TYK2: variants seen among roughly 807,000 people sequenced by gnomAD.
TYK2 encodes the protein tyrosine kinase 2, also known as non-receptor tyrosine-protein kinase TYK2.
TYK2 carries 65 observed loss-of-function variants against 130.9 expected under a neutral mutation model. The ratio of observed to expected loss-of-function variants is 0.50; its 90% CI spans 0.41 to 0.61. The LOEUF is 0.61. TYK2 is among the 20% of genes least tolerant of loss of function. The probability of loss-of-function intolerance (pLI) is 0.00; values close to 1 mark genes in which losing one functional copy is unlikely to be tolerated. For missense variants in TYK2, 1,378 were observed against 1,610.7 expected, an observed-to-expected ratio of 0.86 and a Z score of 2.47; for synonymous variants, 647 against 658.9, an observed-to-expected ratio of 0.98 and a Z score of 0.28.
At position 10,353,329 on chromosome 19, in the gene TYK2, G is replaced by T; in HGVS notation, c.3027+199C>A. 1.7e-6 allele frequency: 1 copy of T among 577,630 alleles called. No individual in the cohort carries two copies. Among genetic ancestry groups the T allele is most frequent in the Non-Finnish European group, 3.0e-6 (1 of 334,560 alleles). The allele number at this position is 577,630 out of a possible 1,614,324, so 35.8% of individuals were successfully genotyped here. A position where few individuals can be genotyped will look rare whatever the true frequency, so the allele number is the denominator to read the frequency against. On this transcript the variant is annotated intron_variant, in intron 21 of 24. Transcript: ENST00000525621. The surrounding 1 kb of genome is among the most constrained non-coding windows in gnomAD (Gnocchi z 6.9). ...GCAGGAGGGCGAGTTGGGAGGGGCCGAGCCGGCTGTGCGTGGTCCCTTGGG... is the reference window on the plus strand; with the variant it reads ...GCAGGAGGGCGAGTTGGGAGGGGCCTAGCCGGCTGTGCGTGGTCCCTTGGG...
chr19:10,376,994 T>C (rs1285862038), intron 3 of TYK2, among the ~76,000 whole-genome samples: 2 of 152,066 alleles, frequency 1.3e-5, no homozygotes, highest in African/African-American at 4.8e-5. Context: ...CTTGAACTCC[T>C]GGGCTCAAGC....
intron 3 of TYK2, among the ~76,000 whole-genome samples, chr19:10,369,107 C>A (rs2041805353): frequency 6.6e-6 from 1 of 152,142 alleles, no homozygotes; most frequent in Admixed American, 6.6e-5. Context: ...CTGTGCTCGG[C>A]CGATTTTAGG....
chr19:10,353,514 CG>C lies in TYK2; in HGVS notation c.3027+13del. On this transcript the variant is annotated intron_variant, in intron 21 of 24. Coordinates refer to ENST00000525621, the MANE Select transcript of TYK2 (RefSeq NM_003331.5). This position sits in a 1 kb window ranked among gnomAD's most constrained non-coding sequence, Gnocchi z 6.9. ...AAGGGGCAAGCTCCAGAAGCAGGGG[CG>C]GGGCCGACCAACCTCGCAGATCTGC... is the stretch of plus-strand genomic sequence containing the variant. 1.3e-6 allele frequency: 2 copies of C among 1,487,658 alleles called. No individual in the cohort carries two copies. Among genetic ancestry groups the C allele is most frequent in the Non-Finnish European group, 1.8e-6 (2 of 1,112,978 alleles). 92.2% of individuals were successfully genotyped at this position (1,487,658 alleles called of 1,614,324 possible).
At chr19:10,372,856 G>C (rs140646497) in intron 3 of TYK2, among the ~76,000 whole-genome samples, 2 of 151,960 alleles carry the variant, frequency 1.3e-5, no homozygotes, top group East Asian at 3.9e-4. Context: ...TCTGTGAAGG[G>C]AGGATACCTC....
chr19:10,378,581 G>A (rs1393751028), intron 2 of TYK2, 155 bp from the exon 3 acceptor site: 18 of 636,000 alleles, frequency 2.8e-5, no homozygotes, highest in East Asian at 8.3e-5. Flanking sequence ...TCTGAGTCTC[G>A]TTTTCCACAT....
In TYK2 at chr19:10,361,628, C is replaced by T; in HGVS notation, c.1960-30G>A. 6.5e-7 allele frequency: 1 copy of T among 1,550,112 alleles called. No individual in the cohort carries two copies. The highest frequency in any genetic ancestry group is 8.7e-7 in the Non-Finnish European group (1 of 1,149,694). The stretch of plus-strand genomic sequence containing the variant: ...GGGGACCGGGCAGGTCAGGTGGCTG[C>T]AAAGCCGACCCCTCCCATCCCACCT... On this transcript the variant is annotated intron_variant, in intron 13 of 24. Transcript: ENST00000525621. The surrounding 1 kb of genome is among the most constrained non-coding windows in gnomAD (Gnocchi z 4.0).
In TYK2 at chr19:10,362,447, C is replaced by T. The variant is rs202072909; in HGVS notation, c.1486G>A (p.Gly496Ser). ...TVAQRSQAPD[G>S]MQSLRLRKFP... ...TTTCGGAGCCGCAAGCTCTGCATGC[C>T]GTCTGGTGCCTGGCAGGAGGTGGCA... The change falls in exon 11 of 25, where the codon GGC becomes AGC. Residue 496 changes from glycine (G) to serine (S), a missense_variant. Transcript: ENST00000525621. The T allele has an allele frequency of 3.0e-4, 487 of 1,601,224 alleles. 1 individual carries two copies. Among genetic ancestry groups the T allele is most frequent in the Non-Finnish European group, 3.9e-4 (459 of 1,172,804 alleles).
intron 3 of TYK2, among the ~76,000 whole-genome samples, chr19:10,374,049 G>T (rs1316130252): frequency 6.6e-6 from 1 of 151,556 alleles, no homozygotes; most frequent in Non-Finnish European, 1.5e-5. Context: ...GGCGGATCAC[G>T]AGGTCAGGAG....
chr19:10,362,802 ACT>A, intron 9 of TYK2, 145 bp from the exon 10 acceptor site: 1 of 688,054 alleles, frequency 1.5e-6, no homozygotes, highest in Non-Finnish European at 2.6e-6. Flanking sequence ...GGGGACACTA[ACT>A]CTGGACACAC....
chr19:10,354,503 G>C lies in TYK2; in HGVS notation c.2715+9C>G, dbSNP rs886054132. On this transcript the variant is annotated intron_variant, in intron 19 of 24. Coordinates refer to ENST00000525621, the MANE Select transcript of TYK2 (RefSeq NM_003331.5). ...GCGGGCCTTTTAGCAGCTCAGGCCC[G>C]TCCCTCACCTCGCCCAGATCTCGGA... The C allele has an allele frequency of 1.9e-6, 3 of 1,613,384 alleles. No individual in the cohort carries two copies. The African/African-American group carries it at 4.0e-5, about 22-fold the overall frequency.
rs779037308 is a variant in TYK2, at chr19:10,351,093, G to A, written c.3388C>T (p.Arg1130Ter). 10 of 1,613,994 alleles carry A rather than the reference G, an allele frequency of 6.2e-6. No individual in the cohort carries two copies. Among genetic ancestry groups the A allele is most frequent in the African/African-American group, 5.3e-5 (4 of 74,904 alleles). Residue 1130 changes from arginine to a stop codon, truncating the protein, a stop_gained, in exon 24 of 25, where the codon CGA (arginine) becomes TGA (stop). Coordinates refer to ENST00000525621, the MANE Select transcript of TYK2 (RefSeq NM_003331.5). LOFTEE classifies it low-confidence loss of function (END_TRUNC). ...TCGGGCCGTGGCAGCCTCTCCCCTC[G>A]TTCCAGCAACTCAGTGAGTCTCAGA... ...TVLRLTELLE[R>*]GERLPRPDKC...
In TYK2 at chr19:10,361,706, C is replaced by A; in HGVS notation, c.1959+64G>T. 6.3e-7 allele frequency: 1 copy of A among 1,590,792 alleles called. No homozygotes were observed. ...ACCTCCTCCACAGACACACCCCTCC[C>A]ATCCCACCTCCTCCGGCCACCTCCT... On this transcript the variant is annotated intron_variant, in intron 13 of 24. Coordinates refer to ENST00000525621, the MANE Select transcript of TYK2 (RefSeq NM_003331.5). This position sits in a 1 kb window ranked among gnomAD's most constrained non-coding sequence, Gnocchi z 4.0.
chr19:10,362,578 G>A lies in TYK2; in HGVS notation c.1447C>T (p.Leu483=), dbSNP rs1197142556. ...CTACGCTGGGCCACTGTGAGGATCAGGCGGTAGGGGTGGCTGGTGCTCCAG... is the reference window on the plus strand; with the variant it reads ...CTACGCTGGGCCACTGTGAGGATCAAGCGGTAGGGGTGGCTGGTGCTCCAG... ...IHWSTSHPYR[L]ILTVAQRSQA... Residue 483 remains leucine (L), a synonymous_variant, in exon 10 of 25, where the codon CTG becomes TTG. Transcript: ENST00000525621. 6.4e-7 allele frequency: 1 copy of A among 1,554,510 alleles called. No individual in the cohort carries two copies. Among genetic ancestry groups the A allele is most frequent in the South Asian group, 1.2e-5 (1 of 84,292 alleles).
chr19:10,376,614 T>C lies in TYK2; in HGVS notation c.193+1600A>G, dbSNP rs373641355. Among the ~76,000 whole-genome samples the C allele has an allele frequency of 5.8e-3, 722 of 125,066 alleles. 3 individuals carry two copies. The highest frequency in any genetic ancestry group is 0.021 in the African/African-American group (676 of 31,844). The allele number at this position is 125,066 out of a possible 152,430, so 82.0% of individuals were successfully genotyped here. A position where few individuals can be genotyped will look rare whatever the true frequency, so the allele number is the denominator to read the frequency against. On this transcript the variant is annotated intron_variant, in intron 3 of 24. Coordinates refer to ENST00000525621, the MANE Select transcript of TYK2 (RefSeq NM_003331.5). ...TGAGCCACCGCACCTGGCCTTTTTT[T>C]ATTTTTGAAACGGAGTCTAGCTCTG...
chr19:10,361,745 C>T lies in TYK2; in HGVS notation c.1959+25G>A, dbSNP rs115703737. ...CGGCCACCTCCTCCACAGACACACC[C>T]CCAGGCCTGGCCCTGCCCACTCACC... On this transcript the variant is annotated intron_variant, in intron 13 of 24. Transcript: ENST00000525621. The surrounding 1 kb of genome is among the most constrained non-coding windows in gnomAD (Gnocchi z 4.0). 1.3e-3 allele frequency: 2,067 copies of T among 1,611,494 alleles called. 27 individuals carry two copies. The African/African-American group carries it at 0.023, about 18-fold the overall frequency.
chr19:10,355,559 G>A (rs1326885114), intron 18 of TYK2, among the ~76,000 whole-genome samples: 1 of 148,462 alleles, frequency 6.7e-6, no homozygotes, highest in Non-Finnish European at 1.5e-5. Flanking sequence ...AGAATTGCTC[G>A]AACCCAGGAG....
At chr19:10,367,228 A>T (rs2041702913) in intron 5 of TYK2, among the ~76,000 whole-genome samples, 1 of 152,084 alleles carries the variant, frequency 6.6e-6, no homozygotes. Context: ...GGGAGAGACC[A>T]CCATTTACTG....
chr19:10,353,891 G>T lies in TYK2; in HGVS notation c.2908+151C>A. On this transcript the variant is annotated intron_variant, in intron 20 of 24. Transcript: ENST00000525621. The surrounding 1 kb of genome is among the most constrained non-coding windows in gnomAD (Gnocchi z 6.9). ...CCCCAGATGGGAAGGAGGCAGCCCA[G>T]CCACGCTCACCCAGATGCCAAGAAC... 1.1e-6 allele frequency: 1 copy of T among 887,406 alleles called. No individual in the cohort carries two copies. The highest frequency in any genetic ancestry group is 1.8e-6 in the Non-Finnish European group (1 of 569,252). 55.0% of individuals were successfully genotyped at this position (887,406 alleles called of 1,614,324 possible).
chr19:10,368,118 T>A lies in TYK2; in HGVS notation c.402A>T (p.Ser134=). ...RCGPPGTEAS[S]DQTAQGMQLL... is the part of the protein sequence containing the mutation. ...GTTGCATCCCCTGTGCTGTCTGATC[T>A]GAGGATGCCTCGGTTCCTGGGGGCC... The change falls in exon 5 of 25, where the codon TCA becomes TCT. Residue 134 remains serine, a synonymous_variant. Transcript: ENST00000525621. 6.2e-7 allele frequency: 1 copy of A among 1,614,120 alleles called. No homozygotes were observed. The highest frequency in any genetic ancestry group is 1.7e-5 in the Admixed American group (1 of 59,976).
Sources: gnomAD v4.1 joint callset for allele counts (sites outside exome capture counted in the v4.1 genomes callset) on GRCh38, gnomAD v4.1.1 for gene constraint, Gnocchi (gnomAD v3.1) non-coding constraint, MANE v1.5 for transcripts, NCBI Gene and HGNC (gene_info 2026-07-23, HGNC 2026-07-21) for gene names.